KIF2A: variants seen among roughly 807,000 people sequenced by gnomAD.
KIF2A encodes the protein kinesin-like protein KIF2A.
In KIF2A, 22 loss-of-function variants were observed where a neutral mutation model predicts 100.2. The observed-to-expected ratio is 0.22, with a 90% CI of 0.16 to 0.31. The LOEUF is 0.31. KIF2A is among the 10% of genes least tolerant of loss of function. The probability of loss-of-function intolerance (pLI) is 1.00; values close to 1 mark genes in which losing one functional copy is unlikely to be tolerated. For synonymous variants in KIF2A, 268 were observed against 285.9 expected (o/e 0.94, Z 0.63); for missense variants, 495 against 898.7 (o/e 0.55, Z 5.74).
intron 19 of KIF2A, among the ~76,000 whole-genome samples, chr5:62,380,672 G>A (rs1018959302): frequency 2.0e-5 from 3 of 152,152 alleles, no homozygotes; most frequent in African/African-American, 7.2e-5. Flanking sequence ...TTACCACAAA[G>A]TAAGCTAGAG....
chr5:62,357,788 TA>T, intron 8 of KIF2A, 43 bp downstream of exon 8: 1 of 1,143,464 alleles, frequency 8.7e-7, no homozygotes, highest in Non-Finnish European at 1.3e-6. Flanking sequence ...GATTTTATCT[TA>T]TTTGTAATGT....
At chr5:62,350,741 G>A (rs948293012) in intron 4 of KIF2A, among the ~76,000 whole-genome samples, 9 of 151,132 alleles carry the variant, frequency 6.0e-5, no homozygotes, top group South Asian at 2.1e-4. Context: ...GTGAAACCCC[G>A]TCTCTACTAA....
intron 12 of KIF2A, 139 bp downstream of exon 12, chr5:62,362,680 AT>A (rs1275646312): frequency 8.2e-5 from 31 of 376,238 alleles, no homozygotes; most frequent in Non-Finnish European, 1.2e-4. Flanking sequence ...ATTTATGTGT[AT>A]TTAGAACTTT....
chr5:62,352,399 G>A (rs1026102060), intron 4 of KIF2A, among the ~76,000 whole-genome samples, 189 bp from the exon 5 acceptor site: 40 of 151,896 alleles, frequency 2.6e-4, no homozygotes, highest in African/African-American at 8.5e-4. Context: ...GCCTCTTTTA[G>A]CTTATGTCAG....
Position 62,357,697 on chromosome 5 carries a change from G to C in KIF2A, c.661G>C (p.Glu221Gln). The C allele has an allele frequency of 6.5e-7, 1 of 1,529,700 alleles. No homozygotes were observed. The highest frequency in any genetic ancestry group is 1.7e-4 in the Middle Eastern group (1 of 5,884). 94.8% of individuals were successfully genotyped at this position (1,529,700 alleles called of 1,614,324 possible). The change falls in exon 8 of 21, where the codon GAA (glutamate) becomes CAA (glutamine). Residue 221 changes from glutamate to glutamine, a missense_variant. Glu to Gln is a conservative substitution (Grantham distance 29, BLOSUM62 2). This residue lies in a region of KIF2A where 109 missense variants were observed against 244.2 expected (regional missense o/e 0.45). Transcript: ENST00000407818. The part of the protein sequence containing the change: ...RPLTTADPID[E>Q]HRICVCVRKR... ...AAATACTTTTTATTTCTAGATTGAT[G>C]AACATAGGATATGTGTGTGTGTAAG...
intron 6 of KIF2A, 37 bp downstream of exon 6, chr5:62,353,412 A>T (rs200767176): frequency 1.9e-6 from 2 of 1,052,410 alleles, no homozygotes; most frequent in Admixed American, 6.3e-5. Flanking sequence ...TTATGTACCA[A>T]CCAGAGATTA....
chr5:62,314,210 T>C (rs1374007253), intron 1 of KIF2A, among the ~76,000 whole-genome samples: 1 of 152,146 alleles, frequency 6.6e-6, no homozygotes, highest in Non-Finnish European at 1.5e-5. Context: ...CTCATGCCTG[T>C]AATCCCAGCA....
chr5:62,385,014 C>T (rs1040644197), intron 20 of KIF2A, among the ~76,000 whole-genome samples: 1 of 151,856 alleles, frequency 6.6e-6, no homozygotes, highest in Non-Finnish European at 1.5e-5. Flanking sequence ...GGGTGGTGCA[C>T]GCCTGTAATC....
At position 62,386,825 on chromosome 5, in the gene KIF2A, C is replaced by T. The variant is rs1167262358; in HGVS notation, c.*1256C>T. Among the ~76,000 whole-genome samples the T allele has an allele frequency of 1.3e-5, 2 of 152,198 alleles. No homozygotes were observed. Among genetic ancestry groups the T allele is most frequent in the Non-Finnish European group, 2.9e-5 (2 of 68,030 alleles). ...CAGCACTTATTTTTACAGATTGCTA[C>T]TCCAAGGAAGAAAACTGGCCACTTT... is the stretch of plus-strand genomic sequence containing the variant. On this transcript the variant is annotated 3_prime_UTR_variant, in exon 21 of 21. Transcript: ENST00000407818.
At chr5:62,385,353 C>T (rs1741971897) in intron 20 of KIF2A, 131 bp from the exon 21 acceptor site, 1 of 619,178 alleles carries the variant, frequency 1.6e-6, no homozygotes, top group South Asian at 2.4e-5. Context: ...TTCTAGACAA[C>T]AAAGAACAAA....
Position 62,331,209 on chromosome 5 carries a change from C to T in KIF2A, c.65-15921C>T, listed in dbSNP as rs376273605. ...GGTGGATCACCTGAGGTTGGGAGTT[C>T]GAGACAAGCCTGACCAACATGGAGA... On this transcript the variant is annotated intron_variant, in intron 1 of 20. Coordinates refer to ENST00000407818, the MANE Select transcript of KIF2A (RefSeq NM_001098511.3). Among the ~76,000 whole-genome samples, 219 of 151,774 alleles carry T rather than the reference C, an allele frequency of 1.4e-3. 1 individual carries two copies. The highest frequency in any genetic ancestry group is 4.8e-3 in the African/African-American group (199 of 41,428).
intron 1 of KIF2A, among the ~76,000 whole-genome samples, chr5:62,322,397 A>G (rs116477481): frequency 0.049 from 7,427 of 151,964 alleles, 577 homozygotes; most frequent in African/African-American, 0.17. Context: ...CCAGTTATCT[A>G]TTTTTTCTTT....
At chr5:62,311,529 A>G (rs1289974834) in intron 1 of KIF2A, among the ~76,000 whole-genome samples, 3 of 152,242 alleles carry the variant, frequency 2.0e-5, no homozygotes, top group African/African-American at 7.2e-5. Context: ...AGTTCAGGGC[A>G]GGCAAAGAAA....
chr5:62,386,886 C>T lies in KIF2A; in HGVS notation c.*1317C>T, dbSNP rs1380398611. Among the ~76,000 whole-genome samples the T allele has an allele frequency of 1.3e-5, 2 of 152,228 alleles. No homozygotes were observed. The highest frequency in any genetic ancestry group is 2.4e-5 in the African/African-American group (1 of 41,450). On this transcript the variant is annotated 3_prime_UTR_variant, in exon 21 of 21. Coordinates refer to ENST00000407818, the MANE Select transcript of KIF2A (RefSeq NM_001098511.3). ...ATTTTGTTCAAAGATTTGTATATCT[C>T]TCTAGGAGTTTTCCCTCAGTTCCCA... is the stretch of plus-strand genomic sequence containing the variant.
chr5:62,365,287 C>T lies in KIF2A; in HGVS notation c.1512C>T (p.Phe504=), dbSNP rs1308928402. The change falls in exon 15 of 21, where the codon TTC becomes TTT. Residue 504 remains phenylalanine (F), a synonymous_variant. Coordinates refer to ENST00000407818, the MANE Select transcript of KIF2A (RefSeq NM_001098511.3). ...GTAGAAATAAACCTCATACTCCTTT[C>T]CGTGCAAGTAAACTCACTCAGGTGT... is the stretch of plus-strand genomic sequence containing the variant. The part of the protein sequence containing the change: ...ALGRNKPHTP[F]RASKLTQVLR... 2 of 1,609,798 alleles carry T rather than the reference C, an allele frequency of 1.2e-6. No homozygotes were observed. The highest frequency in any genetic ancestry group is 2.2e-5 in the South Asian group (2 of 90,440).
At chr5:62,374,678 C>T (rs1330727082) in intron 18 of KIF2A, among the ~76,000 whole-genome samples, 4 of 152,156 alleles carry the variant, frequency 2.6e-5, no homozygotes, top group African/African-American at 9.7e-5. Context: ...CGGTGTCTCA[C>T]GCCTGTAATC....
intron 1 of KIF2A, among the ~76,000 whole-genome samples, chr5:62,336,159 GATGGATGAGGCTGAAGCAGGC>G (rs1351924138): frequency 6.6e-6 from 1 of 152,218 alleles, no homozygotes; most frequent in Admixed American, 6.5e-5. Context: ...AATTCTAAGA[GATGGATGAGGCTGAAGCAGGC>G]ATGGATGTCA....
chr5:62,324,407 C>T (rs1746258623), intron 1 of KIF2A, among the ~76,000 whole-genome samples: 6 of 152,114 alleles, frequency 3.9e-5, no homozygotes, highest in Admixed American at 3.9e-4. Flanking sequence ...CCGAAACAAT[C>T]CTAAGCAAAA....
Position 62,371,596 on chromosome 5 carries a change from G to A in KIF2A, c.1647-842G>A, listed in dbSNP as rs542860250. On this transcript the variant is annotated intron_variant, in intron 16 of 20. Coordinates refer to ENST00000407818, the MANE Select transcript of KIF2A (RefSeq NM_001098511.3). ...GCCACATTCTCAGTGAATGACCTTA[G>A]AGAAGATACTTTATTTCTGAGTCAT... Among the ~76,000 whole-genome samples, 8 of 152,290 alleles carry A rather than the reference G, an allele frequency of 5.3e-5. No homozygotes were observed. In the East Asian group the frequency reaches 1.2e-3, roughly 22 times the overall value.
Sources: allele counts gnomAD v4.1 joint callset (sites outside exome capture counted in the v4.1 genomes callset), GRCh38; gene constraint gnomAD v4.1.1; regional missense constraint gnomAD v4.1.1; transcripts MANE v1.5; gene names NCBI Gene and HGNC (gene_info 2026-07-23, HGNC 2026-07-21).